Variants in DNAH12 observed in about 807,000 individuals in gnomAD.
DNAH12 encodes dynein axonemal heavy chain 12.
In DNAH12, 285 loss-of-function variants were observed where a neutral mutation model predicts 371.5. The ratio of observed to expected loss-of-function variants is 0.77; its 90% confidence interval spans 0.70 to 0.85. DNAH12 has a LOEUF of 0.85. Among genes scored for constraint, DNAH12 ranks in the 40% least tolerant of loss-of-function variants. The pLI is 0.00. For synonymous variants in DNAH12, 1,200 were observed against 1,213.0 expected, an observed-to-expected ratio of 0.99 and a Z score of 0.22; for missense variants, 3,611 against 3,689.4, an observed-to-expected ratio of 0.98 and a Z score of 0.55.
chr3:57,343,749 G>T (rs1478655609), intron 60 of DNAH12, among the ~76,000 whole-genome samples: 1 of 152,122 alleles, frequency 6.6e-6, no homozygotes, highest in African/African-American at 2.4e-5. Flanking sequence ...TATAAAACCC[G>T]ATTGTACATT....
At chr3:57,376,240 C>A (rs1056307047) in intron 53 of DNAH12, among the ~76,000 whole-genome samples, 2,208 of 151,526 alleles carry the variant, frequency 0.015, 35 homozygotes, top group Non-Finnish European at 0.02. Context: ...AAACAAAACC[C>A]AAACACCAAC....
chr3:57,493,609 A>G (rs1160874119), intron 11 of DNAH12: 2 of 152,164 alleles, frequency 1.3e-5, no homozygotes, highest in Admixed American at 6.5e-5. Context: ...GGTAAAAAGT[A>G]TGCATATTAG....
chr3:57,495,312 A>C (rs1020842709), intron 11 of DNAH12, among the ~76,000 whole-genome samples: 2 of 152,016 alleles, frequency 1.3e-5, no homozygotes, highest in South Asian at 4.1e-4. Context: ...TAATCCTAGC[A>C]TTTTGGGAGG....
chr3:57,553,957 T>C, the DNAH12 span, among the ~76,000 whole-genome samples: 1 of 151,446 alleles, frequency 6.6e-6, no homozygotes, highest in Non-Finnish European at 1.5e-5. Context: ...CCTGAGTAGC[T>C]GGGATTACAG....
intron 22 of DNAH12, among the ~76,000 whole-genome samples, chr3:57,457,169 T>C (rs893471003): frequency 2.0e-5 from 3 of 152,204 alleles, no homozygotes; most frequent in Non-Finnish European, 4.4e-5. Flanking sequence ...AAAATATAAA[T>C]CAGACTATGT....
At chr3:57,531,481 G>A (rs996186965) in intron 2 of DNAH12, among the ~76,000 whole-genome samples, 29 of 151,974 alleles carry the variant, frequency 1.9e-4, no homozygotes, top group African/African-American at 6.8e-4. Context: ...GCCTTGAGGG[G>A]CCAGGCGTGG....
intron 65 of DNAH12, 35 bp from the exon 66 acceptor site, chr3:57,314,666 T>A (rs1479195285): frequency 6.6e-7 from 1 of 1,511,332 alleles, no homozygotes; most frequent in South Asian, 1.3e-5. Context: ...AGAAAAAAAA[T>A]TCCGGTCAGA....
chr3:57,513,312 A>G (rs2068066716), intron 4 of DNAH12, among the ~76,000 whole-genome samples: 1 of 152,138 alleles, frequency 6.6e-6, no homozygotes, highest in Admixed American at 6.5e-5. Context: ...GTGGGAGGTG[A>G]ACAATGAGAA....
chr3:57,426,487 C>G (rs1321696854), intron 34 of DNAH12, among the ~76,000 whole-genome samples: 1 of 151,818 alleles, frequency 6.6e-6, no homozygotes, highest in Non-Finnish European at 1.5e-5. Context: ...GCTGCAGAAA[C>G]AGGGATGGAA....
At chr3:57,393,625 CAAAAAAAAAAAAAAAA>C (rs1180952196) in intron 44 of DNAH12, among the ~76,000 whole-genome samples, 1 of 64,298 alleles carries the variant, frequency 1.6e-5, no homozygotes, top group Admixed American at 2.2e-4. Flanking sequence ...GACTCTGTCT[CAAAAAAAAAAAAAAAA>C]AAAAAAAAAA....
chr3:57,412,071 A>G (rs926348108), intron 39 of DNAH12, among the ~76,000 whole-genome samples: 1 of 152,202 alleles, frequency 6.6e-6, no homozygotes, highest in South Asian at 2.1e-4. Flanking sequence ...AATATTATGG[A>G]GCAAAGATAG....
chr3:57,324,451 T>C (rs2061884016), intron 62 of DNAH12, among the ~76,000 whole-genome samples: 2 of 152,194 alleles, frequency 1.3e-5, no homozygotes. Flanking sequence ...AGTCTACACA[T>C]GTTGCTGTGA....
At chr3:57,531,406 T>C (rs757804433) in intron 2 of DNAH12, among the ~76,000 whole-genome samples, 59 of 152,270 alleles carry the variant, frequency 3.9e-4, no homozygotes, top group Admixed American at 7.8e-4. Context: ...GTATGTTATT[T>C]GTTTCTTCTG....
chr3:57,295,704 G>C (rs1039698965), intron 72 of DNAH12, 112 bp from the exon 73 acceptor site: 1 of 837,204 alleles, frequency 1.2e-6, no homozygotes, highest in Non-Finnish European at 1.7e-6. Flanking sequence ...GAGGCATAGA[G>C]AAAAAGAAAT....
chr3:57,344,957 C>A (rs1171215470), intron 60 of DNAH12, among the ~76,000 whole-genome samples: 1 of 151,992 alleles, frequency 6.6e-6, no homozygotes, highest in Non-Finnish European at 1.5e-5. Context: ...GGTCAAAATT[C>A]ATGTATAATT....
chr3:57,392,340 A>G (rs2063641988), intron 44 of DNAH12, among the ~76,000 whole-genome samples: 1 of 152,246 alleles, frequency 6.6e-6, no homozygotes. Flanking sequence ...ATAATTTTAC[A>G]TTGTTTTTAA....
intron 73 of DNAH12, among the ~76,000 whole-genome samples, chr3:57,294,184 T>A (rs2061183018): frequency 6.7e-6 from 1 of 148,886 alleles, no homozygotes; most frequent in Admixed American, 6.6e-5. Context: ...TTCTTTTTTT[T>A]TTTTTTTTTG....
Position 57,408,491 on chromosome 3 carries a change from T to C in DNAH12, c.6065A>G (p.Glu2022Gly). ...TGGAGGGCCCATTGCAGCAATCAGC[T>C]CTATGTCCACCAGCGTGATTTTACT... ...DTSKITLVDI[E>G]LIAAMGPPGG... is the part of the protein sequence containing the mutation. The change falls in exon 40 of 74, where the codon GAG (glutamate) becomes GGG (glycine). Residue 2022 changes from glutamate to glycine, a missense_variant. Glu to Gly is a moderately conservative substitution (Grantham distance 98). Coordinates refer to ENST00000495027, the MANE Select transcript of DNAH12 (RefSeq NM_001366028.2). 6.4e-7 allele frequency: 1 copy of C among 1,551,110 alleles called. No homozygotes were observed. Among genetic ancestry groups the C allele is most frequent in the Non-Finnish European group, 8.7e-7 (1 of 1,146,726 alleles).
intron 2 of DNAH12, among the ~76,000 whole-genome samples, chr3:57,539,801 A>AGAGACAGGGTTTCACTGTGT (rs1439854220): frequency 2.0e-5 from 3 of 151,396 alleles, no homozygotes; most frequent in Non-Finnish European, 4.4e-5. Context: ...TTTTTTTAGT[A>AGAGACAGGGTTTCACTGTGT]GAGACAGGGT....
Sources: gnomAD v4.1 joint callset for allele counts (sites outside exome capture counted in the v4.1 genomes callset) on GRCh38, gnomAD v4.1.1 for gene constraint, MANE v1.5 for transcripts, NCBI Gene and HGNC (gene_info 2026-07-23, HGNC 2026-07-21) for gene names.